The following PTBP3 variants were observed in gnomAD, a reference collection of about 807,000 sequenced individuals.
PTBP3 encodes the protein polypyrimidine tract binding protein 3, also known as polypyrimidine tract-binding protein 3.
A neutral mutation model predicts 58.7 loss-of-function variants in PTBP3; 20 were observed. The ratio of observed to expected loss-of-function variants is 0.34; its 90% CI spans 0.24 to 0.50. The LOEUF (loss-of-function observed/expected upper bound fraction) is 0.50, where lower values mean the gene tolerates loss of function less well. Ranked by LOEUF, PTBP3 falls within the 20% of genes least tolerant of loss-of-function variation. The probability of loss-of-function intolerance (pLI) is 0.98; values close to 1 mark genes in which losing one functional copy is unlikely to be tolerated. For synonymous variants in PTBP3, 185 were observed against 219.8 expected (o/e 0.84, Z 1.40); for missense variants, 509 against 637.2 (o/e 0.80, Z 2.17).
intron 7 of PTBP3, among the ~76,000 whole-genome samples, chr9:112,237,137 A>C (rs1046836100): frequency 6.6e-6 from 1 of 152,228 alleles, no homozygotes; most frequent in Non-Finnish European, 1.5e-5. Context: ...ACTGGCAAAC[A>C]ATCATCAAGA....
intron 2 of PTBP3, among the ~76,000 whole-genome samples, chr9:112,276,371 G>A (rs1415964053): frequency 6.6e-6 from 1 of 151,916 alleles, no homozygotes; most frequent in Non-Finnish European, 1.5e-5. Context: ...TGTATTTTAA[G>A]GACATTTTTC....
chr9:112,221,604 C>A lies in PTBP3; in HGVS notation c.*2247G>T, dbSNP rs1477141696. The A allele has an allele frequency of 5.1e-6, 5 of 985,182 alleles. No individual in the cohort carries two copies. The highest frequency in any genetic ancestry group is 1.1e-4 in the East Asian group (1 of 8,820). 61.0% of individuals were successfully genotyped at this position (985,182 alleles called of 1,614,324 possible). On this transcript the variant is annotated 3_prime_UTR_variant, in exon 14 of 14. Transcript: ENST00000374257. The stretch of plus-strand genomic sequence containing the variant: ...AGAAATTTTTTTCCTCCTTCATATA[C>A]CCCTTGTGTCTAGGTCAAAACTTAT...
chr9:112,274,696 G>C (rs1450869571), intron 3 of PTBP3, among the ~76,000 whole-genome samples: 4 of 151,910 alleles, frequency 2.6e-5, no homozygotes, highest in Non-Finnish European at 5.9e-5. Flanking sequence ...AAAATAAACT[G>C]TTAGACTTTT....
the PTBP3 span, among the ~76,000 whole-genome samples, chr9:112,346,637 G>A: frequency 6.6e-6 from 1 of 152,228 alleles, no homozygotes; most frequent in Non-Finnish European, 1.5e-5. Context: ...AGATGGTTTA[G>A]GAGACTATAT....
chr9:112,227,072 G>T (rs193079436), intron 12 of PTBP3, among the ~76,000 whole-genome samples: 102 of 152,258 alleles, frequency 6.7e-4, no homozygotes, highest in African/African-American at 2.4e-3. Context: ...TGTCATATTG[G>T]TTAACGTAAG....
intron 1 of PTBP3, among the ~76,000 whole-genome samples, chr9:112,327,654 A>C (rs900187753): frequency 1.3e-5 from 2 of 152,222 alleles, no homozygotes; most frequent in African/African-American, 2.4e-5. Flanking sequence ...AAAAATTGTA[A>C]CACCACAAAT....
intron 1 of PTBP3, among the ~76,000 whole-genome samples, chr9:112,310,098 G>C (rs1467190725): frequency 6.6e-6 from 1 of 152,130 alleles, no homozygotes; most frequent in Non-Finnish European, 1.5e-5. Flanking sequence ...ATTCTCTAAA[G>C]AATAGTTACC....
At chr9:112,274,447 T>G (rs1405641846) in intron 3 of PTBP3, among the ~76,000 whole-genome samples, 16 of 152,162 alleles carry the variant, frequency 1.1e-4, no homozygotes, top group Admixed American at 1.0e-3. Flanking sequence ...GTATAAAAGA[T>G]TTTTAGGACA....
intron 1 of PTBP3, among the ~76,000 whole-genome samples, chr9:112,298,140 A>T (rs1828772706): frequency 6.6e-6 from 1 of 152,196 alleles, no homozygotes; most frequent in Non-Finnish European, 1.5e-5. Context: ...TGGGGACATA[A>T]TCTTTAAATT....
At chr9:112,269,116 G>A (rs1026021060) in intron 3 of PTBP3, among the ~76,000 whole-genome samples, 1 of 149,342 alleles carries the variant, frequency 6.7e-6, no homozygotes, top group Non-Finnish European at 1.5e-5. Context: ...AGAATCACTT[G>A]AACCCAGGAG....
chr9:112,328,241 T>C (rs989210521), intron 1 of PTBP3, among the ~76,000 whole-genome samples: 9 of 152,246 alleles, frequency 5.9e-5, no homozygotes, highest in African/African-American at 2.2e-4. Flanking sequence ...ACGATCTAGA[T>C]GAATTATGAG....
At chr9:112,245,894 A>T (rs534196453) in intron 7 of PTBP3, among the ~76,000 whole-genome samples, 17 of 152,234 alleles carry the variant, frequency 1.1e-4, no homozygotes, top group South Asian at 2.1e-4. Flanking sequence ...CCTTACTGAC[A>T]TGAAATAAAT....
intron 1 of PTBP3, among the ~76,000 whole-genome samples, chr9:112,320,887 C>T (rs1374227355): frequency 1.3e-5 from 2 of 152,088 alleles, no homozygotes; most frequent in African/African-American, 4.8e-5. Flanking sequence ...GAGACCTAAA[C>T]CATAAAAGCT....
At chr9:112,232,287 G>C (rs1438653646) in intron 8 of PTBP3, 49 bp from the exon 9 acceptor site, 6 of 1,455,812 alleles carry the variant, frequency 4.1e-6, no homozygotes, top group African/African-American at 1.4e-5. Flanking sequence ...TTGAAGAACT[G>C]TAACACTTGA....
chr9:112,340,838 T>C, the PTBP3 span, among the ~76,000 whole-genome samples: 5 of 149,596 alleles, frequency 3.3e-5, no homozygotes, highest in African/African-American at 1.3e-4. Flanking sequence ...ATCGCGCCAT[T>C]GCACTCCCGC....
Position 112,222,214 on chromosome 9 carries a change from C to G in PTBP3, c.*1637G>C. The G allele has an allele frequency of 1.0e-6, 1 of 981,542 alleles. No homozygotes were observed. Among genetic ancestry groups the G allele is most frequent in the Non-Finnish European group, 1.2e-6 (1 of 825,978 alleles). The allele number at this position is 981,542 out of a possible 1,614,324, so 60.8% of individuals were successfully genotyped here. A position where few individuals can be genotyped will look rare whatever the true frequency, so the allele number is the denominator to read the frequency against. ...TTGACAAATTCTGCTTTAAAAAATT[C>G]TGATCAACAATTGAAGAAATAATAG... On this transcript the variant is annotated 3_prime_UTR_variant, in exon 14 of 14. Transcript: ENST00000374257.
At chr9:112,242,931 T>C (rs1292058194) in intron 7 of PTBP3, 1 of 152,182 alleles carries the variant, frequency 6.6e-6, no homozygotes, top group Non-Finnish European at 1.5e-5. Flanking sequence ...AATACCAATA[T>C]CCACTTATAC....
At chr9:112,325,368 T>A (rs1446927817) in intron 1 of PTBP3, among the ~76,000 whole-genome samples, 1 of 152,124 alleles carries the variant, frequency 6.6e-6, no homozygotes, top group African/African-American at 2.4e-5. Context: ...AATTCACGCC[T>A]TAGGCTAGGG....
chr9:112,332,877 G>C (rs757914472), intron 1 of PTBP3: 6 of 1,607,998 alleles, frequency 3.7e-6, no homozygotes, highest in Non-Finnish European at 4.2e-6. Flanking sequence ...TGTCGAGAAA[G>C]CGTTAACGTA....
Sources: gnomAD v4.1 joint callset for allele counts (sites outside exome capture counted in the v4.1 genomes callset) on GRCh38, gnomAD v4.1.1 for gene constraint, MANE v1.5 for transcripts, NCBI Gene and HGNC (gene_info 2026-07-23, HGNC 2026-07-21) for gene names.